Variants in FGF14 observed in about 807,000 individuals in gnomAD.
FGF14 encodes the protein fibroblast growth factor homologous factor 4.
Under a neutral mutation model 25.5 loss-of-function variants are expected in FGF14, and 5 were observed. That is an observed-to-expected ratio of 0.20 (90% CI 0.10 to 0.41). The LOEUF (loss-of-function observed/expected upper bound fraction) is 0.41. Ranked by LOEUF, FGF14 falls within the 10% of genes least tolerant of loss-of-function variation. The probability of loss-of-function intolerance (pLI) is 1.00; values close to 1 mark genes in which losing one functional copy is unlikely to be tolerated. For missense variants in FGF14, 222 were observed against 320.1 expected (o/e 0.69, Z 2.34); for synonymous variants, 138 against 118.3 (o/e 1.17, Z -1.08).
chr13:102,243,894 T>C (rs766358969), intron 1 of FGF14, among the ~76,000 whole-genome samples: 1 of 152,034 alleles, frequency 6.6e-6, no homozygotes, highest in Non-Finnish European at 1.5e-5. Flanking sequence ...GCAACTATGT[T>C]GATGAGAACT....
At position 101,716,967 on chromosome 13, in the gene FGF14, C is replaced by G. The variant is rs1426403343; in HGVS notation, c.*5864G>C. On this transcript the variant is annotated 3_prime_UTR_variant, in exon 5 of 5. Coordinates refer to ENST00000376143, the MANE Select transcript of FGF14 (RefSeq NM_004115.4). ...CCTTACATATTTACAGGTAAATCTA[C>G]TTATACACATTAGTTTAGGCAACCT... The G allele has an allele frequency of 6.6e-6, 1 of 151,790 alleles. No homozygotes were observed. Among genetic ancestry groups the G allele is most frequent in the Non-Finnish European group, 1.5e-5 (1 of 67,944 alleles). The allele number at this position is 151,790 out of a possible 1,614,324, so 9.4% of individuals were successfully genotyped here.
intron 1 of FGF14, among the ~76,000 whole-genome samples, chr13:102,063,702 T>C (rs1252580383): frequency 1.3e-5 from 2 of 152,208 alleles, no homozygotes; most frequent in Non-Finnish European, 2.9e-5. Flanking sequence ...ACTAGTGTTT[T>C]ATTCAGATCT....
rs568609584 is a variant in FGF14, at chr13:102,076,910, C to A, written c.209-201614G>T. Reference sequence around the variant, plus strand: ...CTATAGTGATTAAAACAGCAAAGTACTATCACATAGAGTAATAGAACAGAC... The same window carrying A: ...CTATAGTGATTAAAACAGCAAAGTAATATCACATAGAGTAATAGAACAGAC... On this transcript the variant is annotated intron_variant, in intron 1 of 4. Coordinates refer to the FGF14 transcript ENST00000376131. Among the ~76,000 whole-genome samples the A allele has an allele frequency of 2.0e-5, 3 of 152,160 alleles. No individual in the cohort carries two copies. In the South Asian group the frequency reaches 6.2e-4, roughly 32 times the overall value.
chr13:102,217,592 C>T (rs1012449511), intron 1 of FGF14, among the ~76,000 whole-genome samples: 1 of 152,110 alleles, frequency 6.6e-6, no homozygotes, highest in African/African-American at 2.4e-5. Flanking sequence ...CAAATAAAAG[C>T]CCACTCTGTG....
At chr13:102,086,684 A>G (rs1186668818) in intron 1 of FGF14, among the ~76,000 whole-genome samples, 2 of 152,244 alleles carry the variant, frequency 1.3e-5, no homozygotes, top group African/African-American at 2.4e-5. Context: ...TAGAACCGCT[A>G]TACAGTAGAC....
chr13:102,145,297 A>G (rs986072229), intron 1 of FGF14, among the ~76,000 whole-genome samples: 6 of 152,160 alleles, frequency 3.9e-5, no homozygotes, highest in Admixed American at 1.3e-4. Flanking sequence ...AATGAACTAT[A>G]TAAGTTCTAC....
At chr13:102,317,824 C>A (rs2056092180) in intron 1 of FGF14, among the ~76,000 whole-genome samples, 1 of 152,120 alleles carries the variant, frequency 6.6e-6, no homozygotes, top group Non-Finnish European at 1.5e-5. Flanking sequence ...ACACACTGGG[C>A]AGCAGCCAGA....
chr13:102,061,826 G>C (rs777513915), intron 1 of FGF14, among the ~76,000 whole-genome samples: 6 of 152,232 alleles, frequency 3.9e-5, no homozygotes, highest in Non-Finnish European at 7.3e-5. Flanking sequence ...GGCACACGGA[G>C]AGATCACATG....
At chr13:102,308,797 A>G (rs112781110) in intron 1 of FGF14, among the ~76,000 whole-genome samples, 1,588 of 151,958 alleles carry the variant, frequency 0.01, 29 homozygotes, top group African/African-American at 0.036. Context: ...CAGTCAGGCA[A>G]TGTGCTAAAC....
At chr13:101,867,982 G>A (rs2140443730) in intron 3 of FGF14, among the ~76,000 whole-genome samples, 1 of 151,834 alleles carries the variant, frequency 6.6e-6, no homozygotes, top group Non-Finnish European at 1.5e-5. Context: ...TTTGTTGGTG[G>A]TGATATTTAA....
intron 3 of FGF14, among the ~76,000 whole-genome samples, chr13:101,753,911 G>A (rs2037471046): frequency 6.6e-6 from 1 of 151,968 alleles, no homozygotes; most frequent in Non-Finnish European, 1.5e-5. Flanking sequence ...CAGGCAAGGA[G>A]ACCTATGTTT....
intron 1 of FGF14, among the ~76,000 whole-genome samples, chr13:102,338,129 A>G (rs752136478): frequency 2.6e-5 from 4 of 152,076 alleles, no homozygotes; most frequent in Non-Finnish European, 5.9e-5. Context: ...TGACATATGC[A>G]TACAAGGGAA....
Position 101,811,284 on chromosome 13 carries a change from TA to T in FGF14, c.408+57440del, listed in dbSNP as rs545898585. Among the ~76,000 whole-genome samples, 473 of 152,306 alleles carry T rather than the reference TA, an allele frequency of 3.1e-3. 2 individuals are homozygous for T. Among genetic ancestry groups the T allele is most frequent in the Non-Finnish European group, 5.3e-3 (361 of 68,028 alleles). The stretch of plus-strand genomic sequence containing the variant: ...CCACCAATTTATTTCTCCCTCCTCA[TA>T]ACCCCTGGCAACCATGGATCTTTTT... On this transcript the variant is annotated intron_variant, in intron 3 of 4. Coordinates refer to ENST00000376143, the MANE Select transcript of FGF14 (RefSeq NM_004115.4).
At chr13:102,104,062 T>C (rs2044787572) in intron 1 of FGF14, among the ~76,000 whole-genome samples, 1 of 152,214 alleles carries the variant, frequency 6.6e-6, no homozygotes. Context: ...AGGCGTGACC[T>C]AAGTCAAAAC....
At chr13:102,181,132 A>T (rs1163430154) in intron 1 of FGF14, among the ~76,000 whole-genome samples, 1 of 152,130 alleles carries the variant, frequency 6.6e-6, no homozygotes, top group Non-Finnish European at 1.5e-5. Context: ...AATCAGTTTG[A>T]TGATAAAGAA....
rs1288938418 is a variant in FGF14, at chr13:101,716,212, T to G, written c.*6619A>C. On this transcript the variant is annotated 3_prime_UTR_variant, in exon 5 of 5. Coordinates refer to ENST00000376143, the MANE Select transcript of FGF14 (RefSeq NM_004115.4). ...GATCAGATTTTTCCAGAATTCCGTA[T>G]CAGTCACCATTTTAATATGGGGACA... The G allele has an allele frequency of 6.6e-6, 1 of 152,218 alleles. No homozygotes were observed. The highest frequency in any genetic ancestry group is 1.5e-5 in the Non-Finnish European group (1 of 68,072). 9.4% of individuals were successfully genotyped at this position (152,218 alleles called of 1,614,324 possible). A position where few individuals can be genotyped will look rare whatever the true frequency, so the allele number is the denominator to read the frequency against.
chr13:102,004,749 T>C (rs115744125), intron 1 of FGF14, among the ~76,000 whole-genome samples: 236 of 152,312 alleles, frequency 1.5e-3, no homozygotes, highest in African/African-American at 5.5e-3. Context: ...TGGGAGGTAA[T>C]TGAATCATGG....
At chr13:102,386,562 A>G (rs1340164989) in intron 1 of FGF14, among the ~76,000 whole-genome samples, 1 of 152,262 alleles carries the variant, frequency 6.6e-6, no homozygotes, top group Admixed American at 6.5e-5. Context: ...AAAAACTGTT[A>G]TCAAGATACG....
chr13:102,287,727 A>G (rs1338767369), intron 1 of FGF14, among the ~76,000 whole-genome samples: 8 of 152,236 alleles, frequency 5.3e-5, no homozygotes, highest in African/African-American at 1.4e-4. Flanking sequence ...ATGTATGCAG[A>G]CAATATTATT....
Sources: gnomAD v4.1 joint callset for allele counts (sites outside exome capture counted in the v4.1 genomes callset) on GRCh38, gnomAD v4.1.1 for gene constraint, MANE v1.5 for transcripts, NCBI Gene and HGNC (gene_info 2026-07-23, HGNC 2026-07-21) for gene names.